The following PSD3 variants were observed in gnomAD, a reference collection of about 807,000 sequenced individuals.
The protein encoded by PSD3 is PH and SEC7 domain-containing protein 3.
PSD3 carries 49 observed loss-of-function variants against 105.5 expected under a neutral mutation model. The observed-to-expected ratio is 0.46, with a 90% CI of 0.37 to 0.59. The LOEUF (loss-of-function observed/expected upper bound fraction) is 0.59. Ranked by LOEUF, PSD3 falls within the 20% of genes least tolerant of loss-of-function variation. PSD3 has a pLI of 0.00. For synonymous variants in PSD3, 557 were observed against 457.8 expected (o/e 1.22, Z -2.77); for missense variants, 1,561 against 1,263.8 (o/e 1.24, Z -3.57).
chr8:18,901,810 G>C lies in PSD3; in HGVS notation c.131-29077C>G, dbSNP rs148691291. Reference sequence around the variant, plus strand: ...TAGCTTTGCTGGGCATAGTATTCCTGGCTGGCAGTATTTCTCTTTCAGCTC... The same window carrying C: ...TAGCTTTGCTGGGCATAGTATTCCTCGCTGGCAGTATTTCTCTTTCAGCTC... On this transcript the variant is annotated intron_variant, in intron 2 of 15. Transcript: ENST00000327040. Among the ~76,000 whole-genome samples, 256 of 152,256 alleles carry C rather than the reference G, an allele frequency of 1.7e-3. 1 individual carries two copies. Among genetic ancestry groups the C allele is most frequent in the Admixed American group, 2.6e-3 (40 of 15,296 alleles).
chr8:18,791,218 A>G (rs930424574), intron 8 of PSD3, among the ~76,000 whole-genome samples: 14 of 152,186 alleles, frequency 9.2e-5, no homozygotes, highest in African/African-American at 3.4e-4. Context: ...ATTTAATTAG[A>G]AAAAAACTAT....
intron 11 of PSD3, among the ~76,000 whole-genome samples, chr8:18,629,826 T>C (rs150697900): frequency 6.6e-6 from 1 of 152,134 alleles, no homozygotes; most frequent in African/African-American, 2.4e-5. Context: ...TCAAACTATA[T>C]ACTCTAAATT....
intron 1 of PSD3, among the ~76,000 whole-genome samples, chr8:19,059,114 T>A (rs545095092): frequency 1.9e-4 from 29 of 152,208 alleles, no homozygotes; most frequent in African/African-American, 7.0e-4. Context: ...CACACAGAAA[T>A]CTCCACTTTA....
chr8:18,682,398 T>G (rs1029452255), intron 9 of PSD3, among the ~76,000 whole-genome samples: 2 of 152,222 alleles, frequency 1.3e-5, no homozygotes. Flanking sequence ...TTTAAGAATA[T>G]GATAAACCAT....
chr8:19,023,017 T>C (rs1283159966), intron 1 of PSD3, among the ~76,000 whole-genome samples: 1 of 152,168 alleles, frequency 6.6e-6, no homozygotes, highest in Admixed American at 6.5e-5. Context: ...GAAAGAGTCA[T>C]AGCATTTTGT....
At chr8:18,900,648 T>C (rs925387446) in intron 2 of PSD3, among the ~76,000 whole-genome samples, 1 of 148,086 alleles carries the variant, frequency 6.8e-6, no homozygotes, top group African/African-American at 2.5e-5. Flanking sequence ...CAACTCTTTT[T>C]TTTTTTTTTT....
chr8:18,970,682 C>T (rs1405707604), intron 1 of PSD3, among the ~76,000 whole-genome samples: 10 of 151,994 alleles, frequency 6.6e-5, no homozygotes, highest in South Asian at 2.1e-4. Context: ...GGTCTGGATG[C>T]GGTGGTTCGT....
upstream of PSD3, among the ~76,000 whole-genome samples, chr8:19,015,259 A>T (rs945081115): frequency 3.3e-5 from 5 of 152,154 alleles, no homozygotes; most frequent in Admixed American, 1.3e-4. Flanking sequence ...AAGATGTGAC[A>T]TGCTCCTCCT....
In PSD3 at chr8:18,821,717, A is replaced by ACACACACCCC. The variant is rs1554513425; in HGVS notation, c.1635-16820_1635-16819insGGGGTGTGTG. On this transcript the variant is annotated intron_variant, in intron 4 of 15. Transcript: ENST00000327040. ...CACACACACACACACACACACACAC[A>ACACACACCCC]CCCCAATAACAAAGCTCCAATTCCA... Among the ~76,000 whole-genome samples the ACACACACCCC allele has an allele frequency of 8.5e-3, 1,198 of 141,104 alleles. 17 individuals carry two copies. Among genetic ancestry groups the ACACACACCCC allele is most frequent in the African/African-American group, 0.022 (829 of 37,368 alleles). The allele number at this position is 141,104 out of a possible 152,430, so 92.6% of individuals were successfully genotyped here.
At chr8:18,802,535 C>G (rs904289727) in intron 6 of PSD3, among the ~76,000 whole-genome samples, 11 of 152,084 alleles carry the variant, frequency 7.2e-5, no homozygotes, top group African/African-American at 2.7e-4. Context: ...CTTTAATAAA[C>G]TACATCAGAA....
intron 4 of PSD3, among the ~76,000 whole-genome samples, chr8:18,814,125 G>C (rs1406230176): frequency 6.6e-6 from 1 of 152,118 alleles, no homozygotes; most frequent in African/African-American, 2.4e-5. Flanking sequence ...TCTTTATAAA[G>C]GAAACACACA....
At chr8:18,645,505 C>G (rs139681065) in intron 10 of PSD3, among the ~76,000 whole-genome samples, 188 of 152,228 alleles carry the variant, frequency 1.2e-3, no homozygotes, top group African/African-American at 4.3e-3. Context: ...ATAAATAGAA[C>G]AATCAAACCA....
intron 9 of PSD3, among the ~76,000 whole-genome samples, chr8:18,698,001 T>A (rs1171289230): frequency 1.3e-5 from 2 of 152,224 alleles, no homozygotes; most frequent in Admixed American, 6.5e-5. Context: ...ACTCTGTGAA[T>A]ATTATATGTC....
chr8:18,772,260 G>T (rs945338202), intron 8 of PSD3, among the ~76,000 whole-genome samples: 1 of 152,108 alleles, frequency 6.6e-6, no homozygotes, highest in African/African-American at 2.4e-5. Context: ...AATGAGATTG[G>T]TGTATCACAT....
intron 9 of PSD3, among the ~76,000 whole-genome samples, chr8:18,686,156 C>T (rs1362576605): frequency 1.3e-5 from 2 of 152,100 alleles, no homozygotes; most frequent in Non-Finnish European, 2.9e-5. Context: ...CAAAGACTGC[C>T]CAATTGACGT....
chr8:18,983,586 G>C (rs749056181), intron 1 of PSD3, among the ~76,000 whole-genome samples: 2 of 152,172 alleles, frequency 1.3e-5, no homozygotes. Context: ...TTGTGTCTCA[G>C]GGAATAGCGG....
At chr8:18,776,414 C>T (rs975738622) in intron 8 of PSD3, among the ~76,000 whole-genome samples, 12 of 148,646 alleles carry the variant, frequency 8.1e-5, no homozygotes, top group South Asian at 4.2e-4. Flanking sequence ...GACGGAGTCT[C>T]GATCTCTTGC....
At chr8:18,695,105 C>G (rs1801188345) in intron 9 of PSD3, among the ~76,000 whole-genome samples, 1 of 152,144 alleles carries the variant, frequency 6.6e-6, no homozygotes, top group South Asian at 2.1e-4. Flanking sequence ...CCTTAGCCTT[C>G]TAGACTTTTA....
chr8:18,660,226 A>T (rs1809246150), intron 9 of PSD3, among the ~76,000 whole-genome samples: 1 of 152,104 alleles, frequency 6.6e-6, no homozygotes, highest in African/African-American at 2.4e-5. Context: ...AGGCAACATG[A>T]AGAGGAATAT....
Sources: allele counts gnomAD v4.1 joint callset (sites outside exome capture counted in the v4.1 genomes callset), GRCh38; gene constraint gnomAD v4.1.1; transcripts MANE v1.5; gene names NCBI Gene and HGNC (gene_info 2026-07-23, HGNC 2026-07-21).